Variants in ZPBP observed in about 807,000 individuals in gnomAD.
The protein encoded by ZPBP is zona pellucida binding protein.
ZPBP carries 26 observed loss-of-function variants against 44.8 expected under a neutral mutation model. The ratio of observed to expected loss-of-function variants is 0.58; its 90% confidence interval spans 0.43 to 0.81. The LOEUF is 0.81. ZPBP is among the 30% of genes least tolerant of loss of function. The pLI is 0.00. For missense variants in ZPBP, 409 were observed against 434.0 expected (o/e 0.94, Z 0.51); for synonymous variants, 174 against 153.2 (o/e 1.14, Z -1.00).
Position 50,090,681 on chromosome 7 carries a change from A to G in ZPBP, c.128-972T>C, listed in dbSNP as rs1483508089. 2.1e-4 allele frequency among the ~76,000 whole-genome samples: 32 copies of G among 152,044 alleles called. 1 individual carries two copies. The highest frequency in any genetic ancestry group is 2.1e-3 in the Admixed American group (32 of 15,250). On this transcript the variant is annotated intron_variant, in intron 1 of 7. Transcript: ENST00000046087. ...CACACACATATATATATACACATAT[A>G]CCATACACCACAGTTTCTTTATCCA...
intron 2 of ZPBP, 148 bp from the exon 3 acceptor site, chr7:50,082,047 G>A: frequency 3.8e-6 from 3 of 797,074 alleles, no homozygotes; most frequent in Non-Finnish European, 5.9e-6. Context: ...AAATTTCATT[G>A]CATTCTATGC....
At chr7:50,034,189 T>A (rs1313697726) in intron 4 of ZPBP, among the ~76,000 whole-genome samples, 1 of 151,946 alleles carries the variant, frequency 6.6e-6, no homozygotes, top group Non-Finnish European at 1.5e-5. Flanking sequence ...GAGGGTTTTT[T>A]TTTTTTAATT....
In ZPBP at chr7:50,031,127, G is replaced by A. The variant is rs1799587294; in HGVS notation, c.671C>T (p.Ala224Val). 1 of 1,613,684 alleles carries A rather than the reference G, an allele frequency of 6.2e-7. No homozygotes were observed. Among genetic ancestry groups the A allele is most frequent in the South Asian group, 1.1e-5 (1 of 91,060 alleles). The part of the protein sequence containing the change: ...SECHRVKMQR[A>V]GLQNELFFAF... ...AAAGAACAATTCATTTTGCAAACCAGCTCTTTGCATTTTAACGCGATGGCA... is the reference window on the plus strand; with the variant it reads ...AAAGAACAATTCATTTTGCAAACCAACTCTTTGCATTTTAACGCGATGGCA... Residue 224 changes from alanine to valine, a missense_variant, in exon 5 of 8, where the codon GCT becomes GTT. Coordinates refer to ENST00000046087, the MANE Select transcript of ZPBP (RefSeq NM_007009.3).
chr7:49,911,362 G>A (rs1441425412), intron 1 of ZPBP, among the ~76,000 whole-genome samples: 1 of 150,388 alleles, frequency 6.6e-6, no homozygotes, highest in Non-Finnish European at 1.5e-5. Flanking sequence ...CGCCCCTATA[G>A]TCCCAGCTAC....
chr7:49,847,867 CTGAT>C (rs1431460085), downstream of ZPBP, among the ~76,000 whole-genome samples: 1 of 152,120 alleles, frequency 6.6e-6, no homozygotes, highest in African/African-American at 2.4e-5. Flanking sequence ...GATGTGAGCT[CTGAT>C]TGGGTAATCA....
At chr7:49,840,729 T>C in the ZPBP span, among the ~76,000 whole-genome samples, 1 of 152,216 alleles carries the variant, frequency 6.6e-6, no homozygotes, top group African/African-American at 2.4e-5. Context: ...ATTCACTCTT[T>C]TATTGTTCAT....
At chr7:49,981,622 T>TATTA (rs1562820285) in intron 7 of ZPBP, among the ~76,000 whole-genome samples, 359 of 9,520 alleles carry the variant, frequency 0.038, 77 homozygotes, top group Non-Finnish European at 0.046. Context: ...TTATATTATA[T>TATTA]TATATTATAT....
intron 6 of ZPBP, among the ~76,000 whole-genome samples, chr7:50,002,627 G>A (rs1034565566): frequency 8.5e-5 from 13 of 152,124 alleles, no homozygotes; most frequent in African/African-American, 2.4e-4. Context: ...ATCACACCAG[G>A]TCAGAAATGC....
chr7:49,857,741 A>T (rs1335014546), intron 2 of ZPBP, among the ~76,000 whole-genome samples: 1 of 152,208 alleles, frequency 6.6e-6, no homozygotes, highest in Non-Finnish European at 1.5e-5. Context: ...CAGTATGGAG[A>T]TTTCTCAACA....
chr7:50,003,239 G>A (rs1798170254), intron 6 of ZPBP, among the ~76,000 whole-genome samples: 1 of 152,156 alleles, frequency 6.6e-6, no homozygotes, highest in African/African-American at 2.4e-5. Context: ...GAAGTTTCAT[G>A]TCCTTTTTCC....
At position 50,081,850 on chromosome 7, in the gene ZPBP, T is replaced by C; in HGVS notation, c.258A>G (p.Val86=). Residue 86 remains valine, a synonymous_variant, in exon 3 of 8, where the codon GTA becomes GTG. Coordinates refer to ENST00000046087, the MANE Select transcript of ZPBP (RefSeq NM_007009.3). ...LHQKSPHVLC[V]TQQLRNAELI... ...GTTCAGCATTTCGCAGTTGTTGCGT[T>C]ACACATAACACGTGTGGACTCTTTT... is the stretch of plus-strand genomic sequence containing the variant. 6.2e-7 allele frequency: 1 copy of C among 1,611,576 alleles called. No homozygotes were observed. Among genetic ancestry groups the C allele is most frequent in the Non-Finnish European group, 8.5e-7 (1 of 1,178,250 alleles).
chr7:49,885,510 T>TCCAACA (rs1791863562), intron 2 of ZPBP, among the ~76,000 whole-genome samples: 1 of 151,590 alleles, frequency 6.6e-6, no homozygotes. Context: ...GTAAAACTCG[T>TCCAACA]TATATAATTA....
chr7:49,995,555 T>G (rs938446324), intron 6 of ZPBP, among the ~76,000 whole-genome samples: 22 of 152,234 alleles, frequency 1.4e-4, no homozygotes, highest in African/African-American at 4.6e-4. Context: ...ATAGGAGAGA[T>G]AAATGCGGAT....
At chr7:50,087,724 A>G (rs1347884728) in intron 2 of ZPBP, among the ~76,000 whole-genome samples, 1 of 152,098 alleles carries the variant, frequency 6.6e-6, no homozygotes, top group African/African-American at 2.4e-5. Flanking sequence ...AACAGAAGAA[A>G]TGTAACACTT....
intron 6 of ZPBP, among the ~76,000 whole-genome samples, chr7:49,993,242 T>C (rs1392921053): frequency 6.6e-6 from 1 of 151,978 alleles, no homozygotes; most frequent in Non-Finnish European, 1.5e-5. Flanking sequence ...AATCAATCCA[T>C]ATAGAATAAT....
chr7:49,957,823 T>C (rs765605525), intron 7 of ZPBP, among the ~76,000 whole-genome samples: 6 of 152,124 alleles, frequency 3.9e-5, no homozygotes, highest in Non-Finnish European at 7.4e-5. Flanking sequence ...AGCAAGGCCA[T>C]GGGAGATAAG....
intron 7 of ZPBP, among the ~76,000 whole-genome samples, chr7:49,953,474 G>A (rs939264427): frequency 1.3e-5 from 2 of 152,072 alleles, no homozygotes; most frequent in African/African-American, 4.8e-5. Context: ...TAAAGCACTT[G>A]GGAAGGTAGT....
intron 5 of ZPBP, 100 bp from the exon 6 acceptor site, chr7:50,018,416 C>A: frequency 2.0e-6 from 2 of 1,003,636 alleles, no homozygotes; most frequent in Non-Finnish European, 1.5e-6. Flanking sequence ...CATTTCTCTT[C>A]CATTAAAATA....
intron 4 of ZPBP, among the ~76,000 whole-genome samples, chr7:50,043,389 A>T (rs1469772489): frequency 2.0e-5 from 3 of 152,152 alleles, no homozygotes; most frequent in African/African-American, 7.2e-5. Flanking sequence ...TCCATGACCT[A>T]AATGGTCTCG....
Sources: allele counts gnomAD v4.1 joint callset (sites outside exome capture counted in the v4.1 genomes callset), GRCh38; gene constraint gnomAD v4.1.1; transcripts MANE v1.5; gene names NCBI Gene and HGNC (gene_info 2026-07-23, HGNC 2026-07-21).